BNC2: variants seen among roughly 807,000 people sequenced by gnomAD.
BNC2 encodes the protein basonuclin zinc finger protein 2.
A neutral mutation model predicts 76.3 loss-of-function variants in BNC2; 20 were observed. The observed-to-expected ratio is 0.26, with a 90% confidence interval of 0.18 to 0.38. The LOEUF (loss-of-function observed/expected upper bound fraction) is 0.38, where lower values mean the gene tolerates loss of function less well. BNC2 is among the 10% of genes least tolerant of loss of function. The pLI, the probability that BNC2 is intolerant of heterozygous loss-of-function variation, is 1.00. For missense variants in BNC2, 1,382 were observed against 1,399.8 expected (o/e 0.99, Z 0.20); for synonymous variants, 582 against 514.8 (o/e 1.13, Z -1.77).
At chr9:16,645,664 T>A (rs570766993) in intron 3 of BNC2, among the ~76,000 whole-genome samples, 1 of 152,346 alleles carries the variant, frequency 6.6e-6, no homozygotes, top group African/African-American at 2.4e-5. Flanking sequence ...AGGCTTAGTT[T>A]CCTCAGCTAG....
At chr9:16,681,866 G>A (rs1460346703) in intron 3 of BNC2, among the ~76,000 whole-genome samples, 3 of 152,250 alleles carry the variant, frequency 2.0e-5, no homozygotes, top group African/African-American at 7.2e-5. Flanking sequence ...CTGAATGAAA[G>A]ACACCACAGT....
At position 16,859,153 on chromosome 9, in the gene BNC2, C is replaced by A. The variant is rs149269288; in HGVS notation, c.3+11493G>T. ...GCAAATCAAAACCACACTGAGATAT[C>A]ACCTCAACCATTTTTGAATGGTTAC... is the stretch of plus-strand genomic sequence containing the variant. On this transcript the variant is annotated intron_variant, in intron 1 of 6. Coordinates refer to ENST00000380672, the MANE Select transcript of BNC2 (RefSeq NM_017637.6). 7.5e-5 allele frequency among the ~76,000 whole-genome samples: 11 copies of A among 146,364 alleles called. No homozygotes were observed. The East Asian group carries it at 2.3e-3, about 30-fold the overall frequency.
intron 5 of BNC2, among the ~76,000 whole-genome samples, chr9:16,511,135 G>C (rs1249387208): frequency 7.3e-6 from 1 of 136,812 alleles, no homozygotes; most frequent in Non-Finnish European, 1.6e-5. Context: ...TTAAGAAACA[G>C]GTCTTGTTCT....
intron 1 of BNC2, among the ~76,000 whole-genome samples, chr9:16,858,678 T>C (rs544124018): frequency 9.6e-4 from 146 of 151,894 alleles, no homozygotes; most frequent in African/African-American, 3.4e-3. Context: ...ACCCCGTCTC[T>C]ATGAAAAATA....
At chr9:16,478,582 T>G (rs1472121299) in intron 5 of BNC2, among the ~76,000 whole-genome samples, 3 of 152,248 alleles carry the variant, frequency 2.0e-5, no homozygotes, top group Admixed American at 2.0e-4. Flanking sequence ...CTGATCTTAT[T>G]CTTCAATGAA....
intron 1 of BNC2, among the ~76,000 whole-genome samples, chr9:16,864,818 C>G (rs974004807): frequency 6.6e-6 from 1 of 151,756 alleles, no homozygotes; most frequent in Non-Finnish European, 1.5e-5. Flanking sequence ...CCTTGCCTTT[C>G]CAGACAGTGA....
At chr9:16,689,422 A>C (rs1211676699) in intron 3 of BNC2, among the ~76,000 whole-genome samples, 1 of 152,066 alleles carries the variant, frequency 6.6e-6, no homozygotes, top group African/African-American at 2.4e-5. Context: ...TGAAATTTCC[A>C]TTTTACTTTT....
chr9:16,729,202 C>G (rs1178538633), intron 2 of BNC2, among the ~76,000 whole-genome samples: 1 of 152,140 alleles, frequency 6.6e-6, no homozygotes, highest in African/African-American at 2.4e-5. Flanking sequence ...ACAAAATGCA[C>G]TGTACATAAA....
intron 3 of BNC2, among the ~76,000 whole-genome samples, chr9:16,587,733 A>T (rs1819813065): frequency 6.6e-6 from 1 of 152,024 alleles, no homozygotes; most frequent in Non-Finnish European, 1.5e-5. Context: ...CTGCTATCCA[A>T]ATTCTCAATC....
intron 4 of BNC2, among the ~76,000 whole-genome samples, chr9:16,572,541 C>T (rs985992650): frequency 2.0e-5 from 3 of 152,150 alleles, no homozygotes; most frequent in Non-Finnish European, 4.4e-5. Context: ...GTGAAGTGCC[C>T]TTCCTGAGCT....
chr9:16,440,981 A>G (rs1230960088), intron 5 of BNC2, among the ~76,000 whole-genome samples: 4 of 152,240 alleles, frequency 2.6e-5, no homozygotes, highest in Admixed American at 6.5e-5. Flanking sequence ...ACATAGCTCT[A>G]TAACACCAAA....
At chr9:16,658,320 C>G (rs572921037) in intron 3 of BNC2, among the ~76,000 whole-genome samples, 2 of 152,028 alleles carry the variant, frequency 1.3e-5, no homozygotes, top group South Asian at 4.2e-4. Context: ...AGGGGGAGTA[C>G]TGTAAGGGAG....
chr9:16,770,988 T>G (rs1825818480), intron 1 of BNC2, among the ~76,000 whole-genome samples: 1 of 151,968 alleles, frequency 6.6e-6, no homozygotes. Flanking sequence ...CTGGCCAACA[T>G]GGCGAAACCC....
chr9:16,862,313 T>C (rs766104989), intron 1 of BNC2, among the ~76,000 whole-genome samples: 18 of 152,230 alleles, frequency 1.2e-4, no homozygotes, highest in Non-Finnish European at 2.1e-4. Context: ...AAATGGAATA[T>C]TAATGTACAT....
intron 3 of BNC2, among the ~76,000 whole-genome samples, chr9:16,603,598 A>C (rs1282124574): frequency 4.6e-5 from 7 of 152,156 alleles, no homozygotes; most frequent in African/African-American, 1.7e-4. Flanking sequence ...TGCCATAATA[A>C]AGACTCAACA....
At chr9:16,611,676 C>T (rs1470852392) in intron 3 of BNC2, among the ~76,000 whole-genome samples, 1 of 152,136 alleles carries the variant, frequency 6.6e-6, no homozygotes, top group Non-Finnish European at 1.5e-5. Context: ...AGTCTGTTAG[C>T]ATTCAGCCAT....
intron 3 of BNC2, among the ~76,000 whole-genome samples, chr9:16,653,276 G>A (rs1176898099): frequency 6.6e-6 from 1 of 152,002 alleles, no homozygotes; most frequent in Non-Finnish European, 1.5e-5. Context: ...TCTCACCAAA[G>A]CTTTTGAAAT....
At chr9:16,515,237 A>G (rs1822850247) in intron 5 of BNC2, among the ~76,000 whole-genome samples, 1 of 152,204 alleles carries the variant, frequency 6.6e-6, no homozygotes, top group African/African-American at 2.4e-5. Context: ...TGTGGCTGTC[A>G]GTGTCTGAAA....
intron 3 of BNC2, among the ~76,000 whole-genome samples, chr9:16,680,488 T>A (rs1342753877): frequency 1.3e-5 from 2 of 151,630 alleles, no homozygotes; most frequent in African/African-American, 4.8e-5. Flanking sequence ...ACAATAAGAA[T>A]CCAATTCCAC....
Sources: gnomAD v4.1 joint callset for allele counts (sites outside exome capture counted in the v4.1 genomes callset) on GRCh38, gnomAD v4.1.1 for gene constraint, MANE v1.5 for transcripts, NCBI Gene and HGNC (gene_info 2026-07-23, HGNC 2026-07-21) for gene names.